The following TTLL12 variants were observed in gnomAD, a reference collection of about 807,000 sequenced individuals.
TTLL12 encodes the protein tubulin--tyrosine ligase-like protein 12.
TTLL12 carries 77 observed loss-of-function variants against 79.6 expected under a neutral mutation model. The observed-to-expected ratio is 0.97, with a 90% CI of 0.81 to 1.17. The LOEUF (loss-of-function observed/expected upper bound fraction) is 1.17. Among genes scored for constraint, TTLL12 ranks in the 50% most tolerant of loss-of-function variants. TTLL12 has a pLI of 0.00. For missense variants in TTLL12, 969 were observed against 895.9 expected (o/e 1.08, Z -1.04); for synonymous variants, 437 against 376.1 (o/e 1.16, Z -1.87).
chr22:43,172,544 T>A lies in TTLL12; in HGVS notation c.1352A>T (p.Lys451Met), dbSNP rs35154580. Residue 451 changes from lysine (K) to methionine (M), a missense_variant, in exon 10 of 14, where the codon AAG becomes ATG. Coordinates refer to ENST00000216129, the MANE Select transcript of TTLL12 (RefSeq NM_015140.4). Reference protein sequence around the residue: ...HRESTPKVVSKYIESPVLFLR... With the variant: ...HRESTPKVVSMYIESPVLFLR... ...GAACAACACGGGACTTTCGATGTAC[T>A]TGGACACAACCTGGAGGACACAGGT... 6.2e-7 allele frequency: 1 copy of A among 1,613,954 alleles called. No individual in the cohort carries two copies. The highest frequency in any genetic ancestry group is 8.5e-7 in the Non-Finnish European group (1 of 1,180,020).
intron 3 of TTLL12, among the ~76,000 whole-genome samples, chr22:43,180,271 T>C (rs981162385): frequency 2.0e-5 from 3 of 151,748 alleles, no homozygotes; most frequent in South Asian, 2.1e-4. Flanking sequence ...CCCGTAGGGG[T>C]GTATATGGGT....
chr22:43,174,483 C>T lies in TTLL12; in HGVS notation c.1034+16G>A. On this transcript the variant is annotated intron_variant, in intron 7 of 13. Coordinates refer to ENST00000216129, the MANE Select transcript of TTLL12 (RefSeq NM_015140.4). ...GCCCTGACTGGGAGGGCCCCTGCGGCCAGAGGTGCCCTCACCTGTAGTCCT... is the reference window on the plus strand; with the variant it reads ...GCCCTGACTGGGAGGGCCCCTGCGGTCAGAGGTGCCCTCACCTGTAGTCCT... 1 of 1,593,574 alleles carries T rather than the reference C, an allele frequency of 6.3e-7. No individual in the cohort carries two copies. Among genetic ancestry groups the T allele is most frequent in the Non-Finnish European group, 8.6e-7 (1 of 1,165,808 alleles).
rs28684403 is a variant in TTLL12 at position 43,172,081 on chromosome 22, C to T, written c.1494-181G>A. Among the ~76,000 whole-genome samples, 56 of 152,308 alleles carry T rather than the reference C, an allele frequency of 3.7e-4. 1 individual carries two copies. The highest frequency in any genetic ancestry group is 1.3e-3 in the African/African-American group (56 of 41,580). On this transcript the variant is annotated intron_variant, in intron 10 of 13. Coordinates refer to ENST00000216129, the MANE Select transcript of TTLL12 (RefSeq NM_015140.4). Reference sequence around the variant, plus strand: ...GGGGGAGCCCCACAGCCCCACTGAGCTGGGGTGGAGGTGAGTGAGGTGCTA... The same window carrying T: ...GGGGGAGCCCCACAGCCCCACTGAGTTGGGGTGGAGGTGAGTGAGGTGCTA...
intron 1 of TTLL12, 92 bp downstream of exon 1, chr22:43,186,801 C>T: frequency 8.5e-7 from 1 of 1,175,978 alleles, no homozygotes; most frequent in East Asian, 3.6e-5. Flanking sequence ...GCGGCTCCCG[C>T]CGCCCGGGAG....
chr22:43,185,805 C>T (rs181998016), intron 1 of TTLL12, among the ~76,000 whole-genome samples: 1 of 152,240 alleles, frequency 6.6e-6, no homozygotes, highest in South Asian at 2.1e-4. Context: ...GCTCCTTCCA[C>T]GCAGCCCATG....
chr22:43,169,596 T>G (rs745493669), intron 11 of TTLL12, 28 bp from the exon 12 acceptor site: 1 of 1,610,536 alleles, frequency 6.2e-7, no homozygotes, highest in Admixed American at 1.7e-5. Context: ...CCCATCACGC[T>G]CTGTACAGGC....
At chr22:43,178,597 A>C (rs1249273293) in intron 5 of TTLL12, among the ~76,000 whole-genome samples, 1 of 152,168 alleles carries the variant, frequency 6.6e-6, no homozygotes, top group Non-Finnish European at 1.5e-5. Flanking sequence ...CTGGGATTAC[A>C]GGCATGAGCC....
chr22:43,172,702 T>C lies in TTLL12; in HGVS notation c.1342-148A>G, dbSNP rs1033706102. 29 of 178,560 alleles carry C rather than the reference T, an allele frequency of 1.6e-4. 1 individual carries two copies. The highest frequency in any genetic ancestry group is 7.2e-4 in the African/African-American group (25 of 34,956). The allele number at this position is 178,560 out of a possible 1,614,324, so 11.1% of individuals were successfully genotyped here. A position where few individuals can be genotyped will look rare whatever the true frequency, so the allele number is the denominator to read the frequency against. On this transcript the variant is annotated intron_variant, in intron 9 of 13. Coordinates refer to ENST00000216129, the MANE Select transcript of TTLL12 (RefSeq NM_015140.4). ...AACCTGCCTAAGTTGCTGCAAAGTC[T>C]TTTTTTTTTTTTTGAGACAGAGTTT...
At chr22:43,181,021 G>A (rs978706979) in intron 2 of TTLL12, 81 bp from the exon 3 acceptor site, 34 of 1,460,962 alleles carry the variant, frequency 2.3e-5, no homozygotes, top group African/African-American at 1.7e-4. Flanking sequence ...GCCCAGGGCT[G>A]TGTTGGGACC....
At chr22:43,172,014 C>T (rs920017836) in intron 10 of TTLL12, 114 bp from the exon 11 acceptor site, 4 of 862,880 alleles carry the variant, frequency 4.6e-6, no homozygotes, top group Admixed American at 4.1e-5. Context: ...GGCAGGACCA[C>T]CTGCTGCTCA....
At position 43,174,258 on chromosome 22, in the gene TTLL12, G is replaced by A. The variant is rs747566445; in HGVS notation, c.1180C>T (p.Arg394Cys). 31 of 1,609,458 alleles carry A rather than the reference G, an allele frequency of 1.9e-5. No individual in the cohort carries two copies. The highest frequency in any genetic ancestry group is 5.3e-5 in the African/African-American group (4 of 74,938). Residue 394 changes from arginine (R) to cysteine (C), a missense_variant, in exon 8 of 14, where the codon CGC becomes TGC. Coordinates refer to ENST00000216129, the MANE Select transcript of TTLL12 (RefSeq NM_015140.4). ...PPWLPRTFNL[R>C]TELPQFVSYF... Reference sequence around the variant, plus strand: ...CTGACAAACTGGGGCAGCTCAGTGCGCAGGTTGAAGGTTCGGGGCAGCCAG... The same window carrying A: ...CTGACAAACTGGGGCAGCTCAGTGCACAGGTTGAAGGTTCGGGGCAGCCAG...
chr22:43,169,709 G>A, intron 11 of TTLL12, 141 bp from the exon 12 acceptor site: 2 of 785,548 alleles, frequency 2.5e-6, no homozygotes, highest in Non-Finnish European at 4.4e-6. Flanking sequence ...AACCCTCAGG[G>A]TCCAAACAGG....
intron 5 of TTLL12, among the ~76,000 whole-genome samples, chr22:43,176,858 A>AC (rs565100987): frequency 2.4e-4 from 35 of 146,796 alleles, no homozygotes; most frequent in African/African-American, 8.1e-4. Context: ...GCCTCTAACC[A>AC]CCCCCCTCAC....
At position 43,179,865 on chromosome 22, in the gene TTLL12, G is replaced by A. The variant is rs767087097; in HGVS notation, c.682C>T (p.Pro228Ser). The change falls in exon 4 of 14, where the codon CCC becomes TCC. Residue 228 changes from proline to serine, a missense_variant. By Grantham distance (74) the Pro-to-Ser change is moderately conservative (BLOSUM62 -1). Transcript: ENST00000216129. ...PQQVAYTLLW[P>S]LRDLDTGEEV... ...CCGCCAGTGTCCAGGTCCCTCAGGG[G>A]CCACAGCAGCGTGTAGGCCACCTGC... The A allele has an allele frequency of 4.4e-6, 7 of 1,601,564 alleles. No individual in the cohort carries two copies. Among genetic ancestry groups the A allele is most frequent in the African/African-American group, 1.3e-5 (1 of 74,864 alleles).
rs900587103 is a variant in TTLL12 at position 43,169,058 on chromosome 22, C to T, written c.1645-146G>A. 3 of 1,091,372 alleles carry T rather than the reference C, an allele frequency of 2.7e-6. No individual in the cohort carries two copies. The African/African-American group carries it at 4.8e-5, about 17-fold the overall frequency. The allele number at this position is 1,091,372 out of a possible 1,614,324, so 67.6% of individuals were successfully genotyped here. ...ACGTCTCTAGACCTCACCATGGCCA[C>T]CTCCGCCCAGCACCTGCCCTCTTAC... On this transcript the variant is annotated intron_variant, in intron 12 of 13. Coordinates refer to ENST00000216129, the MANE Select transcript of TTLL12 (RefSeq NM_015140.4).
chr22:43,169,427 G>T, intron 12 of TTLL12, 73 bp downstream of exon 12: 1 of 1,303,846 alleles, frequency 7.7e-7, no homozygotes. Context: ...GAGAGGGAAG[G>T]GAGCAGCTCC....
chr22:43,173,117 G>T (rs1357591028), intron 9 of TTLL12, among the ~76,000 whole-genome samples: 1 of 152,040 alleles, frequency 6.6e-6, no homozygotes, highest in Non-Finnish European at 1.5e-5. Context: ...TGCATTTCCC[G>T]CCAGCCTCTG....
In TTLL12 at chr22:43,187,070, G is replaced by T; in HGVS notation, c.-1C>A. 1.7e-6 allele frequency: 2 copies of T among 1,168,554 alleles called. No individual in the cohort carries two copies. The highest frequency in any genetic ancestry group is 3.5e-4 in the Middle Eastern group (1 of 2,888). 72.4% of individuals were successfully genotyped at this position (1,168,554 alleles called of 1,614,324 possible). A position where few individuals can be genotyped will look rare whatever the true frequency, so the allele number is the denominator to read the frequency against. On this transcript the variant is annotated 5_prime_UTR_variant, in exon 1 of 14. Coordinates refer to ENST00000216129, the MANE Select transcript of TTLL12 (RefSeq NM_015140.4). ...GCTCGGGACCCCGCTCGGCCTCCAT[G>T]GCGCCAGCACCCGCGCCGACTCCAG...
chr22:43,182,874 A>G lies in TTLL12; in HGVS notation c.347+106T>C. 1.4e-6 allele frequency: 2 copies of G among 1,439,260 alleles called. 1 individual carries two copies. Among genetic ancestry groups the G allele is most frequent in the South Asian group, 2.7e-5 (2 of 74,164 alleles). 89.2% of individuals were successfully genotyped at this position (1,439,260 alleles called of 1,614,324 possible). On this transcript the variant is annotated intron_variant, in intron 2 of 13. Transcript: ENST00000216129. ...ACGTGCTTGCCACAAAGCTGTCCTA[A>G]GGAAGATGTCCAGCGGCGGTGCAGG... is the stretch of plus-strand genomic sequence containing the variant.
Sources: gnomAD v4.1 joint callset for allele counts (sites outside exome capture counted in the v4.1 genomes callset) on GRCh38, gnomAD v4.1.1 for gene constraint, MANE v1.5 for transcripts, NCBI Gene and HGNC (gene_info 2026-07-23, HGNC 2026-07-21) for gene names.